FIRRM: variants seen among roughly 807,000 people sequenced by gnomAD.
The protein encoded by FIRRM is FIGNL1 interacting regulator of recombination and mitosis.
chr1:169,824,259 G>A, the FIRRM span, among the ~76,000 whole-genome samples: 1 of 152,170 alleles, frequency 6.6e-6, no homozygotes, highest in Non-Finnish European at 1.5e-5. Context: ...ACTCCCATGA[G>A]TGAACTGTGC....
At chr1:169,808,252 A>G in the FIRRM span, among the ~76,000 whole-genome samples, 2 of 152,162 alleles carry the variant, frequency 1.3e-5, no homozygotes, top group Non-Finnish European at 2.9e-5. Flanking sequence ...TCATATTTGT[A>G]TAAGATCTGA....
the FIRRM span, among the ~76,000 whole-genome samples, chr1:169,844,847 A>G: frequency 6.6e-6 from 1 of 152,198 alleles, no homozygotes; most frequent in Non-Finnish European, 1.5e-5. Flanking sequence ...TTCCTTTATA[A>G]AAGATTTCAC....
the FIRRM span, chr1:169,852,722 C>G: frequency 2.0e-6 from 3 of 1,521,684 alleles, no homozygotes; most frequent in Non-Finnish European, 2.7e-6. Flanking sequence ...AAGCTTTACT[C>G]CAGTCCAAAA....
At chr1:169,844,693 T>C in the FIRRM span, among the ~76,000 whole-genome samples, 1 of 152,226 alleles carries the variant, frequency 6.6e-6, no homozygotes, top group Non-Finnish European at 1.5e-5. Flanking sequence ...ATTAACTCAT[T>C]GAATGCAACA....
chr1:169,833,701 CT>C, the FIRRM span, among the ~76,000 whole-genome samples: 1 of 152,128 alleles, frequency 6.6e-6, no homozygotes, highest in East Asian at 1.9e-4. Flanking sequence ...TCTTAGCCTT[CT>C]TTTCGTAGCC....
At chr1:169,827,054 G>A in the FIRRM span, 1 of 1,609,694 alleles carries the variant, frequency 6.2e-7, no homozygotes, top group Non-Finnish European at 8.5e-7. Context: ...TTCCCAGCAA[G>A]TTTCCTCCAA....
chr1:169,851,733 C>G, the FIRRM span: 1 of 1,523,492 alleles, frequency 6.6e-7, no homozygotes, highest in South Asian at 1.3e-5. Flanking sequence ...GTTGAACACT[C>G]AGCACTTAAA....
At chr1:169,832,116 A>G in the FIRRM span, among the ~76,000 whole-genome samples, 1 of 152,158 alleles carries the variant, frequency 6.6e-6, no homozygotes, top group African/African-American at 2.4e-5. Context: ...CCTCTCTACT[A>G]TTGTAGTTAG....
chr1:169,820,484 G>T, the FIRRM span, among the ~76,000 whole-genome samples: 1 of 152,210 alleles, frequency 6.6e-6, no homozygotes, highest in African/African-American at 2.4e-5. Flanking sequence ...TTAACATCCC[G>T]TAGTGCCAAA....
chr1:169,798,881 T>G, the FIRRM span: 1 of 1,222,548 alleles, frequency 8.2e-7, no homozygotes, highest in East Asian at 2.7e-5. Context: ...ATGAATACCC[T>G]ATTACTATGA....
chr1:169,846,298 G>C, the FIRRM span, among the ~76,000 whole-genome samples: 4 of 152,104 alleles, frequency 2.6e-5, no homozygotes, highest in Non-Finnish European at 5.9e-5. Context: ...AGATTTAGCA[G>C]AATTCTTAAG....
At chr1:169,806,514 T>G in the FIRRM span, among the ~76,000 whole-genome samples, 29 of 152,342 alleles carry the variant, frequency 1.9e-4, no homozygotes, top group East Asian at 4.6e-3. Flanking sequence ...AATTTTAACT[T>G]TCTGAAACTG....
chr1:169,838,881 A>C, the FIRRM span, among the ~76,000 whole-genome samples: 1 of 152,092 alleles, frequency 6.6e-6, no homozygotes, highest in Non-Finnish European at 1.5e-5. Flanking sequence ...GAATGATTTC[A>C]TCACCCAGGT....
At chr1:169,794,303 T>G in the FIRRM span, among the ~76,000 whole-genome samples, 3 of 152,216 alleles carry the variant, frequency 2.0e-5, no homozygotes, top group Admixed American at 6.5e-5. Context: ...GGTGCAGTAT[T>G]TTATTTTGGT....
At chr1:169,794,986 C>G in the FIRRM span, 2 of 766,804 alleles carry the variant, frequency 2.6e-6, no homozygotes, top group Non-Finnish European at 4.3e-6. Flanking sequence ...AGAAACCAGC[C>G]GCCCTCCTCT....
the FIRRM span, among the ~76,000 whole-genome samples, chr1:169,800,715 CTTTTTT>C: frequency 7.3e-6 from 1 of 136,924 alleles, no homozygotes; most frequent in Non-Finnish European, 1.6e-5. Flanking sequence ...TCCTTTCTCT[CTTTTTT>C]TTTTTTTTTG....
chr1:169,852,790 C>A, the FIRRM span: 16 of 1,612,212 alleles, frequency 9.9e-6, no homozygotes, highest in Non-Finnish European at 1.4e-5. Flanking sequence ...TTTTTTCCAG[C>A]CTTATGCAAA....
chr1:169,851,762 T>A, the FIRRM span: 1 of 1,582,224 alleles, frequency 6.3e-7, no homozygotes, highest in Admixed American at 1.8e-5. Flanking sequence ...CCATTTCATA[T>A]CTAGTAGAGT....
the FIRRM span, among the ~76,000 whole-genome samples, chr1:169,813,517 GATTT>G: frequency 2.6e-5 from 4 of 152,334 alleles, no homozygotes; most frequent in South Asian, 8.3e-4. Flanking sequence ...GAAAGGTTTT[GATTT>G]ATTTTGGGGG....
Sources: allele counts gnomAD v4.1 joint callset (sites outside exome capture counted in the v4.1 genomes callset), GRCh38; gene constraint gnomAD v4.1.1; transcripts MANE v1.5; gene names NCBI Gene and HGNC (gene_info 2026-07-23, HGNC 2026-07-21).